The following PDXDC1 variants were observed in gnomAD, a reference collection of about 807,000 sequenced individuals.
PDXDC1 encodes the protein pyridoxal dependent decarboxylase domain containing 1, also known as pyridoxal-dependent decarboxylase domain-containing protein 1.
PDXDC1 carries 42 observed loss-of-function variants against 100.1 expected under a neutral mutation model. The ratio of observed to expected loss-of-function variants is 0.42; its 90% CI spans 0.33 to 0.54. The LOEUF (loss-of-function observed/expected upper bound fraction) is 0.54, where lower values mean the gene tolerates loss of function less well. Among genes scored for constraint, PDXDC1 ranks in the 20% least tolerant of loss-of-function variants. The pLI is 0.10. For synonymous variants in PDXDC1, 260 were observed against 371.7 expected, an observed-to-expected ratio of 0.70 and a Z score of 3.46; for missense variants, 636 against 979.2, an observed-to-expected ratio of 0.65 and a Z score of 4.68.
At chr16:15,126,974 A>G (rs1270023266) in intron 16 of PDXDC1, 2 of 321,544 alleles carry the variant, frequency 6.2e-6, no homozygotes, top group Non-Finnish European at 1.2e-5. Context: ...AATGTTTTAT[A>G]TAGATGTGGT....
chr16:14,979,205 G>A (rs1484242823), intron 1 of PDXDC1, among the ~76,000 whole-genome samples: 1 of 152,292 alleles, frequency 6.6e-6, no homozygotes, highest in Admixed American at 6.5e-5. Context: ...AGCCACATGT[G>A]GCTGATGTCT....
chr16:15,050,547 A>G (rs1260587299), intron 16 of PDXDC1, among the ~76,000 whole-genome samples: 1 of 152,144 alleles, frequency 6.6e-6, no homozygotes, highest in Non-Finnish European at 1.5e-5. Flanking sequence ...AGCCTGGGCA[A>G]CAAGGAAGAT....
chr16:15,059,628 C>G (rs1351150599), intron 16 of PDXDC1, among the ~76,000 whole-genome samples: 4 of 152,170 alleles, frequency 2.6e-5, no homozygotes, highest in African/African-American at 7.2e-5. Flanking sequence ...AACCAGAGCA[C>G]ACAGACAAAA....
intron 16 of PDXDC1, chr16:15,055,782 T>C: frequency 1.8e-6 from 1 of 549,194 alleles, no homozygotes. Flanking sequence ...GGGCTCCGGA[T>C]GTGCCAACAG....
intron 16 of PDXDC1, among the ~76,000 whole-genome samples, chr16:15,101,451 G>C (rs569117753): frequency 3.3e-4 from 51 of 152,284 alleles, no homozygotes; most frequent in African/African-American, 1.0e-3. Context: ...CAAGTAGCTG[G>C]AATTACAGGT....
intron 16 of PDXDC1, among the ~76,000 whole-genome samples, chr16:15,057,385 A>T (rs926585426): frequency 6.6e-6 from 1 of 152,246 alleles, no homozygotes; most frequent in Non-Finnish European, 1.5e-5. Flanking sequence ...TTGTCCTCAC[A>T]AATGTAGGAG....
downstream of PDXDC1, among the ~76,000 whole-genome samples, chr16:15,038,995 A>C (rs1285040860): frequency 6.6e-6 from 1 of 152,186 alleles, no homozygotes; most frequent in East Asian, 1.9e-4. Context: ...CGTGTCCAGT[A>C]AGCCTCAGAG....
the PDXDC1 span, among the ~76,000 whole-genome samples, chr16:15,144,702 C>A: frequency 0.69 from 104,723 of 151,794 alleles, 39,122 homozygotes; most frequent in Admixed American, 0.82. Flanking sequence ...CAGGTCCTCC[C>A]GGGACCCACA....
At chr16:15,111,947 CT>C (rs1000315977) in intron 16 of PDXDC1, among the ~76,000 whole-genome samples, 2 of 148,036 alleles carry the variant, frequency 1.4e-5, no homozygotes, top group African/African-American at 4.9e-5. Flanking sequence ...ATTTCACCCC[CT>C]GCTCCTTCCT....
chr16:14,993,015 C>G (rs918750149), intron 1 of PDXDC1, among the ~76,000 whole-genome samples: 2 of 152,250 alleles, frequency 1.3e-5, no homozygotes, highest in African/African-American at 4.8e-5. Flanking sequence ...CCACACCCAG[C>G]TAATTTATTT....
At chr16:15,131,730 T>C in intron 16 of PDXDC1, 4 of 1,207,996 alleles carry the variant, frequency 3.3e-6, no homozygotes, top group South Asian at 1.3e-5. Context: ...GTGAGGTCAG[T>C]GCAGAGACAG....
chr16:14,982,245 C>G (rs1274534278), intron 1 of PDXDC1, among the ~76,000 whole-genome samples: 1 of 152,308 alleles, frequency 6.6e-6, no homozygotes, highest in East Asian at 1.9e-4. Flanking sequence ...AGTATGTCTT[C>G]ATATTCTCAC....
intron 16 of PDXDC1, chr16:15,125,816 C>T (rs534404195): frequency 2.6e-5 from 30 of 1,138,348 alleles, no homozygotes; most frequent in African/African-American, 4.4e-5. Context: ...ACCTGCAGGA[C>T]GACAGCAGTG....
chr16:15,149,077 TCAC>T, the PDXDC1 span, among the ~76,000 whole-genome samples: 2 of 152,164 alleles, frequency 1.3e-5, no homozygotes, highest in Non-Finnish European at 2.9e-5. Flanking sequence ...ATGCAGGTCC[TCAC>T]CACTGCCTCC....
At chr16:15,018,526 GTTTGAGGA>G (rs1191563194) in intron 11 of PDXDC1, among the ~76,000 whole-genome samples, 1 of 152,298 alleles carries the variant, frequency 6.6e-6, no homozygotes, top group Non-Finnish European at 1.5e-5. Context: ...ATGGCCAGGT[GTTTGAGGA>G]TGCTCAGAGC....
intron 16 of PDXDC1, chr16:15,055,766 C>A: frequency 4.2e-6 from 2 of 475,676 alleles, no homozygotes; most frequent in East Asian, 7.5e-5. Flanking sequence ...CGCGAGCCGA[C>A]GGCCGGGGCT....
chr16:15,050,219 A>G (rs1325140782), intron 16 of PDXDC1, among the ~76,000 whole-genome samples: 2 of 152,258 alleles, frequency 1.3e-5, no homozygotes, highest in African/African-American at 4.8e-5. Flanking sequence ...TTATTTAACA[A>G]AAACTTTTTC....
At chr16:15,143,994 G>A (rs935311885), downstream of PDXDC1, among the ~76,000 whole-genome samples, 13 of 152,312 alleles carry the variant, frequency 8.5e-5, no homozygotes, top group East Asian at 2.3e-3. Context: ...GGCTCGGAGG[G>A]GCCACCTGCG....
chr16:15,075,001 G>C (rs2045390713), intron 16 of PDXDC1: 4 of 841,144 alleles, frequency 4.8e-6, no homozygotes, highest in African/African-American at 3.4e-5. Context: ...TATAAGCCCA[G>C]CACTTTGGGA....
Sources: allele counts gnomAD v4.1 joint callset (sites outside exome capture counted in the v4.1 genomes callset), GRCh38; gene constraint gnomAD v4.1.1; transcripts MANE v1.5; gene names NCBI Gene and HGNC (gene_info 2026-07-23, HGNC 2026-07-21).